NDUFS8: variants seen among roughly 807,000 people sequenced by gnomAD.
NDUFS8 encodes NADH dehydrogenase [ubiquinone] iron-sulfur protein 8, mitochondrial.
NDUFS8 carries 13 observed loss-of-function variants against 25.6 expected under a neutral mutation model. The observed-to-expected ratio is 0.51, with a 90% CI of 0.33 to 0.81. The LOEUF is 0.81. Among genes scored for constraint, NDUFS8 ranks in the 30% least tolerant of loss-of-function variants. NDUFS8 has a pLI of 0.02. For synonymous variants in NDUFS8, 119 were observed against 119.4 expected, an observed-to-expected ratio of 1.00 and a Z score of 0.02; for missense variants, 257 against 300.9, an observed-to-expected ratio of 0.85 and a Z score of 1.08.
intron 5 of NDUFS8, chr11:68,033,496 T>G: frequency 1.5e-6 from 1 of 676,144 alleles, no homozygotes; most frequent in Non-Finnish European, 2.6e-6. Context: ...CTTCCAGCCC[T>G]GGGCAGGCGC....
At position 68,035,102 on chromosome 11, in the gene NDUFS8, G is replaced by C. The variant is rs1854860308; in HGVS notation, c.373-1151G>C. ...AAAAAGGATTTACACTGTACTGTAG[G>C]CTGCGAAGTGTCTAAAACACAATGT... On this transcript the variant is annotated intron_variant, in intron 5 of 6. Coordinates refer to ENST00000313468, the MANE Select transcript of NDUFS8 (RefSeq NM_002496.4). The C allele has an allele frequency of 2.0e-5, 3 of 151,974 alleles. No individual in the cohort carries two copies. The South Asian group carries it at 6.1e-4, about 31-fold the overall frequency. The allele number at this position is 151,974 out of a possible 1,614,324, so 9.4% of individuals were successfully genotyped here. A position where few individuals can be genotyped will look rare whatever the true frequency, so the allele number is the denominator to read the frequency against.
Position 68,036,378 on chromosome 11 carries a change from C to T in NDUFS8, c.498C>T (p.Val166=), listed in dbSNP as rs745976450. The stretch of plus-strand genomic sequence containing the variant: ...AGGCCTGTCCCGTGGATGCCATCGT[C>T]GAGGCACGTGAGGCCCCCGGGTGGG... The part of the protein sequence containing the change: ...CQEACPVDAI[V]EGPNFEFSTE... Residue 166 remains valine (V), a synonymous_variant, in exon 6 of 7, where the codon GTC becomes GTT. Transcript: ENST00000313468. 3.1e-6 allele frequency: 5 copies of T among 1,613,722 alleles called. No homozygotes were observed. Among genetic ancestry groups the T allele is most frequent in the African/African-American group, 1.3e-5 (1 of 75,038 alleles).
intron 5 of NDUFS8, chr11:68,033,663 T>C (rs769634867): frequency 3.9e-4 from 127 of 323,374 alleles, no homozygotes; most frequent in Middle Eastern, 1.0e-3. Context: ...CCTTCCCCAG[T>C]GGCTGCTCCC....
chr11:68,036,175 G>C, intron 5 of NDUFS8, 78 bp from the exon 6 acceptor site: 1 of 1,602,674 alleles, frequency 6.2e-7, no homozygotes, highest in Non-Finnish European at 8.5e-7. Flanking sequence ...CCCAGGGGTG[G>C]GGATGAGCAG....
chr11:68,035,891 C>T (rs1335612773), intron 5 of NDUFS8: 2 of 368,732 alleles, frequency 5.4e-6, no homozygotes, highest in Non-Finnish European at 1.1e-5. Context: ...TGGTGATGCA[C>T]ACTTGTAGTC....
Position 68,032,190 on chromosome 11 carries a change from G to T in NDUFS8, c.39G>T (p.Leu13=), listed in dbSNP as rs764622808. The change falls in exon 2 of 7, where the codon CTG becomes CTT. Residue 13 remains leucine (L), a synonymous_variant. Coordinates refer to ENST00000313468, the MANE Select transcript of NDUFS8 (RefSeq NM_002496.4). ...CLTTPMLLRA[L]AQAARAGPPG... ...CCACGCCTATGCTGCTGCGGGCCCTGGCCCAGGCTGCACGTGCAGGTAGGA... is the reference window on the plus strand; with the variant it reads ...CCACGCCTATGCTGCTGCGGGCCCTTGCCCAGGCTGCACGTGCAGGTAGGA... 1 of 1,613,122 alleles carries T rather than the reference G, an allele frequency of 6.2e-7. No homozygotes were observed. The highest frequency in any genetic ancestry group is 8.5e-7 in the Non-Finnish European group (1 of 1,180,022).
At chr11:68,033,316 GC>G in intron 5 of NDUFS8, 33 bp downstream of exon 5, 1 of 1,586,030 alleles carries the variant, frequency 6.3e-7, no homozygotes. Flanking sequence ...CACCACGCCA[GC>G]CCCTGCCACT....
rs977888376 is a variant in NDUFS8, at chr11:68,031,085, G to C, written c.-1+352G>C. The C allele has an allele frequency of 8.0e-5, 23 of 289,066 alleles. No homozygotes were observed. In the East Asian group the frequency reaches 3.2e-3, roughly 40 times the overall value. The allele number at this position is 289,066 out of a possible 1,614,324, so 17.9% of individuals were successfully genotyped here. A position where few individuals can be genotyped will look rare whatever the true frequency, so the allele number is the denominator to read the frequency against. On this transcript the variant is annotated intron_variant, in intron 1 of 6. Coordinates refer to ENST00000313468, the MANE Select transcript of NDUFS8 (RefSeq NM_002496.4). ...AGCGCCGGCTAAGTGCCGGGCTCTGGGGTGCCCTTGGCATGTACGGGCTCC... is the reference window on the plus strand; with the variant it reads ...AGCGCCGGCTAAGTGCCGGGCTCTGCGGTGCCCTTGGCATGTACGGGCTCC...
At chr11:68,033,641 T>C in intron 5 of NDUFS8, 1 of 356,140 alleles carries the variant, frequency 2.8e-6, no homozygotes, top group Non-Finnish European at 5.3e-6. Flanking sequence ...CTTGTGTGCC[T>C]GTTGCAGCTT....
intron 5 of NDUFS8, chr11:68,035,686 T>C (rs1389714028): frequency 6.6e-6 from 3 of 455,216 alleles, no homozygotes; most frequent in Non-Finnish European, 1.3e-5. Context: ...AGCCCCCTCG[T>C]GAGAGGGGGT....
chr11:68,033,612 C>G, intron 5 of NDUFS8: 1 of 413,512 alleles, frequency 2.4e-6, no homozygotes, highest in East Asian at 4.9e-5. Context: ...TGGATGTAGC[C>G]ACCGTTTCCG....
Position 68,032,354 on chromosome 11 carries a change from C to T in NDUFS8, c.109+18C>T. ...CACCTACAGTGAGTACCTGGGTGGC[C>T]TCTAGCCTCAGGTGTTCCTGACTGG... On this transcript the variant is annotated intron_variant, in intron 3 of 6. Coordinates refer to ENST00000313468, the MANE Select transcript of NDUFS8 (RefSeq NM_002496.4). 3 of 1,612,836 alleles carry T rather than the reference C, an allele frequency of 1.9e-6. No homozygotes were observed. Among genetic ancestry groups the T allele is most frequent in the East Asian group, 4.5e-5 (2 of 44,902 alleles).
At position 68,036,114 on chromosome 11, in the gene NDUFS8, C is replaced by T. The variant is rs764040648; in HGVS notation, c.373-139C>T. 9.1e-4 allele frequency: 1,312 copies of T among 1,434,592 alleles called. 3 individuals are homozygous for T. Among genetic ancestry groups the T allele is most frequent in the Non-Finnish European group, 1.2e-3 (1,235 of 1,048,778 alleles). 88.9% of individuals were successfully genotyped at this position (1,434,592 alleles called of 1,614,324 possible). ...GCGAGCACCAGAGGTGCAGGGCGGC[C>T]TCTTAGCCGGAGTCCAGGAGGCCTT... On this transcript the variant is annotated intron_variant, in intron 5 of 6. Coordinates refer to ENST00000313468, the MANE Select transcript of NDUFS8 (RefSeq NM_002496.4).
Position 68,036,595 on chromosome 11 carries a change from G to A in NDUFS8, c.*2G>A, listed in dbSNP as rs201274946. 1.9e-5 allele frequency: 30 copies of A among 1,613,422 alleles called. No homozygotes were observed. In the East Asian group the frequency reaches 5.8e-4, roughly 31 times the overall value. The stretch of plus-strand genomic sequence containing the variant: ...CAGGCTGACTACTTGTATCGGTGAC[G>A]CCCCACCGGCCCGCAGCCCCTGCTG... On this transcript the variant is annotated 3_prime_UTR_variant, in exon 7 of 7. Transcript: ENST00000313468.
At chr11:68,032,629 G>A in intron 3 of NDUFS8, 1 of 1,092,226 alleles carries the variant, frequency 9.2e-7, no homozygotes, top group South Asian at 1.6e-5. Context: ...GAAGGCAAAG[G>A]CTCAAGCCCC....
chr11:68,031,021 C>T, intron 1 of NDUFS8: 1 of 356,250 alleles, frequency 2.8e-6, no homozygotes, highest in South Asian at 1.9e-5. Context: ...AGGAGTGGGC[C>T]TGTTAGGGGG....
Position 68,036,494 on chromosome 11 carries a change from T to C in NDUFS8, c.534T>C (p.His178=), listed in dbSNP as rs1228992384. ...ACTTTGAGTTCTCCACGGAGACCCA[T>C]GAGGAGCTGCTGTACAACAAGGAGA... is the stretch of plus-strand genomic sequence containing the variant. ...GPNFEFSTET[H]EELLYNKEKL... is the part of the protein sequence containing the mutation. Residue 178 remains histidine, a synonymous_variant, in exon 7 of 7, where the codon CAT becomes CAC. Transcript: ENST00000313468. The C allele has an allele frequency of 6.2e-7, 1 of 1,613,930 alleles. No homozygotes were observed. The highest frequency in any genetic ancestry group is 8.5e-7 in the Non-Finnish European group (1 of 1,179,932).
intron 5 of NDUFS8, chr11:68,034,206 G>A (rs1341158390): frequency 6.6e-6 from 1 of 152,492 alleles, no homozygotes; most frequent in Admixed American, 6.5e-5. Flanking sequence ...TCTGGGATGG[G>A]GGCATATGAG....
intron 5 of NDUFS8, chr11:68,035,812 G>A (rs1479928579): frequency 4.6e-5 from 20 of 431,704 alleles, no homozygotes; most frequent in Non-Finnish European, 7.4e-5. Context: ...AAGGTCAAGA[G>A]ATCGAGACCA....
Sources: gnomAD v4.1 joint callset for allele counts on GRCh38, gnomAD v4.1.1 for gene constraint, MANE v1.5 for transcripts, NCBI Gene and HGNC (gene_info 2026-07-23, HGNC 2026-07-21) for gene names.